The following CLASP1 variants were observed in gnomAD, a reference collection of about 807,000 sequenced individuals.
CLASP1 encodes cytoplasmic linker associated protein 1.
In CLASP1, 38 loss-of-function variants were observed where a neutral mutation model predicts 192.3. The ratio of observed to expected loss-of-function variants is 0.20; its 90% CI spans 0.15 to 0.26. CLASP1 has a LOEUF of 0.26. CLASP1 is among the 10% of genes least tolerant of loss of function. The pLI, the probability that CLASP1 is intolerant of heterozygous loss-of-function variation, is 1.00. For missense variants in CLASP1, 1,433 were observed against 1,932.5 expected, an observed-to-expected ratio of 0.74 and a Z score of 4.85; for synonymous variants, 691 against 712.8, an observed-to-expected ratio of 0.97 and a Z score of 0.49.
intron 2 of CLASP1, among the ~76,000 whole-genome samples, chr2:121,580,940 T>C (rs1301061316): frequency 1.3e-5 from 2 of 152,162 alleles, no homozygotes; most frequent in African/African-American, 4.8e-5. Context: ...CAATGACCCA[T>C]ACATTCTTTA....
At chr2:121,384,971 A>T (rs1262190913) in intron 32 of CLASP1, among the ~76,000 whole-genome samples, 3 of 152,216 alleles carry the variant, frequency 2.0e-5, no homozygotes, top group Non-Finnish European at 4.4e-5. Flanking sequence ...TGTCTGGTCA[A>T]GATAACTCAA....
chr2:121,478,365 C>T (rs942782312), intron 8 of CLASP1, among the ~76,000 whole-genome samples: 1 of 152,120 alleles, frequency 6.6e-6, no homozygotes, highest in South Asian at 2.1e-4. Flanking sequence ...CTTTGGGAGG[C>T]CAAGGCGGGC....
At chr2:121,447,359 A>T in exon 19 of CLASP1, 1 of 1,591,578 alleles carries the variant, frequency 6.3e-7, no homozygotes, top group Admixed American at 1.8e-5. Flanking sequence ...ATGACCCTGG[A>T]GGCAAAGCTG....
At chr2:121,527,151 AG>A (rs978881130) in intron 5 of CLASP1, among the ~76,000 whole-genome samples, 1 of 152,222 alleles carries the variant, frequency 6.6e-6, no homozygotes, top group African/African-American at 2.4e-5. Flanking sequence ...GATCCAAGAG[AG>A]ATGGAAACTT....
rs532445014 is a variant in CLASP1 at position 121,622,994 on chromosome 2, T to C, written c.-285-16814A>G. Among the ~76,000 whole-genome samples the C allele has an allele frequency of 2.0e-3, 311 of 152,180 alleles. 1 individual carries two copies. Among genetic ancestry groups the C allele is most frequent in the African/African-American group, 6.0e-3 (249 of 41,508 alleles). ...ATCCCAGCACTTTGGGAGGCCAAGG[T>C]GGGTGGATCACGTAAGCTCAGGAGT... On this transcript the variant is annotated intron_variant, in intron 1 of 39. Transcript: ENST00000263710.
intron 34 of CLASP1, among the ~76,000 whole-genome samples, chr2:121,370,198 G>A (rs901556033): frequency 2.6e-5 from 4 of 152,210 alleles, no homozygotes; most frequent in Non-Finnish European, 5.9e-5. Context: ...TTAGGCTTAA[G>A]AGGAGATGTA....
At chr2:121,473,727 T>G (rs115643015) in intron 8 of CLASP1, among the ~76,000 whole-genome samples, 1 of 151,902 alleles carries the variant, frequency 6.6e-6, no homozygotes, top group African/African-American at 2.4e-5. Flanking sequence ...GGAAGAGACA[T>G]AGCACACAGA....
exon 23 of CLASP1, chr2:121,418,690 C>A: frequency 6.2e-7 from 1 of 1,613,870 alleles, no homozygotes; most frequent in Non-Finnish European, 8.5e-7. Flanking sequence ...GCGGCTGCAC[C>A]CCTGACTCAT....
chr2:121,523,823 C>T (rs1298088472), intron 6 of CLASP1, among the ~76,000 whole-genome samples: 2 of 152,146 alleles, frequency 1.3e-5, no homozygotes, highest in Non-Finnish European at 1.5e-5. Flanking sequence ...TCCCCTTCCC[C>T]AAAAAGCCCA....
intron 39 of CLASP1, among the ~76,000 whole-genome samples, chr2:121,342,403 C>T (rs1265869611): frequency 6.6e-6 from 1 of 152,132 alleles, no homozygotes; most frequent in Non-Finnish European, 1.5e-5. Context: ...CTAGCGTGAG[C>T]CACCGCACCT....
At chr2:121,617,236 C>T (rs2066618914) in intron 1 of CLASP1, among the ~76,000 whole-genome samples, 1 of 146,638 alleles carries the variant, frequency 6.8e-6, no homozygotes, top group Non-Finnish European at 1.5e-5. Context: ...GGTTTCAGCA[C>T]CCACACAGAT....
chr2:121,380,428 G>A (rs1020450882), intron 33 of CLASP1, among the ~76,000 whole-genome samples: 4 of 152,110 alleles, frequency 2.6e-5, no homozygotes, highest in Non-Finnish European at 4.4e-5. Flanking sequence ...GCTCTCTTAG[G>A]GTTTTTTAGA....
intron 2 of CLASP1, among the ~76,000 whole-genome samples, chr2:121,544,119 C>T (rs2095285113): frequency 6.6e-6 from 1 of 152,196 alleles, no homozygotes; most frequent in Non-Finnish European, 1.5e-5. Flanking sequence ...ACACCCAAGT[C>T]AAATCACTCT....
rs74681140 is a variant in CLASP1, at chr2:121,506,153, A to C, written c.645-2919T>G. Among the ~76,000 whole-genome samples the C allele has an allele frequency of 8.6e-3, 1,304 of 152,324 alleles. 20 individuals are homozygous for C. The highest frequency in any genetic ancestry group is 0.03 in the African/African-American group (1,256 of 41,576). Reference sequence around the variant, plus strand: ...GGACCCTTGAAAATCTGCTTCAAAGAAGCAAAGAAAACATTGGCAAAAACC... The same window carrying C: ...GGACCCTTGAAAATCTGCTTCAAAGCAGCAAAGAAAACATTGGCAAAAACC... On this transcript the variant is annotated intron_variant, in intron 7 of 39. Transcript: ENST00000263710.
intron 2 of CLASP1, among the ~76,000 whole-genome samples, chr2:121,552,214 G>T (rs2058105811): frequency 6.6e-6 from 1 of 152,174 alleles, no homozygotes; most frequent in South Asian, 2.1e-4. Context: ...AGACTTAAAT[G>T]TCAAACCCAA....
At chr2:121,426,732 A>G (rs546625917) in intron 21 of CLASP1, among the ~76,000 whole-genome samples, 2 of 152,232 alleles carry the variant, frequency 1.3e-5, no homozygotes, top group Non-Finnish European at 2.9e-5. Context: ...TTAAAAACAA[A>G]TAATATGGCT....
chr2:121,404,396 C>T (rs768195061), exon 26 of CLASP1: 6 of 1,612,238 alleles, frequency 3.7e-6, no homozygotes, highest in South Asian at 3.3e-5. Context: ...AGCAAACATC[C>T]GAGTGAAGAT....
chr2:121,588,229 TATAAC>T (rs2061957744), intron 2 of CLASP1, among the ~76,000 whole-genome samples: 1 of 147,494 alleles, frequency 6.8e-6, no homozygotes, highest in South Asian at 2.2e-4. Context: ...TCCCATTCCC[TATAAC>T]ATAATACCCA....
intron 8 of CLASP1, 32 bp from the exon 9 acceptor site, chr2:121,469,992 T>C (rs756861114): frequency 6.4e-7 from 1 of 1,568,800 alleles, no homozygotes; most frequent in Non-Finnish European, 8.6e-7. Flanking sequence ...CAACGTTTTT[T>C]TAAAAACAAA....
Sources: gnomAD v4.1 joint callset for allele counts (sites outside exome capture counted in the v4.1 genomes callset) on GRCh38, gnomAD v4.1.1 for gene constraint, MANE v1.5 for transcripts, NCBI Gene and HGNC (gene_info 2026-07-23, HGNC 2026-07-21) for gene names.